The following CAMTA1 variants were observed in gnomAD, a reference collection of about 807,000 sequenced individuals.
CAMTA1 encodes the protein calmodulin binding transcription activator 1.
Under a neutral mutation model 170.9 loss-of-function variants are expected in CAMTA1, and 27 were observed. The ratio of observed to expected loss-of-function variants is 0.16; its 90% CI spans 0.12 to 0.22. The LOEUF (loss-of-function observed/expected upper bound fraction) is 0.22. Among genes scored for constraint, CAMTA1 ranks in the 10% least tolerant of loss-of-function variants. The pLI is 1.00. For synonymous variants in CAMTA1, 833 were observed against 891.5 expected (o/e 0.93, Z 1.17); for missense variants, 1,619 against 2,217.2 (o/e 0.73, Z 5.42).
rs542099822 is a variant in CAMTA1 at position 7,682,210 on chromosome 1, G to C, written c.2914+4477G>C. ...TCATCTCAGGCAGAGCGGGGAGCAT[G>C]GACTAAAAGCTCAAACTTCATTATC... On this transcript the variant is annotated intron_variant, in intron 11 of 22. Transcript: ENST00000303635. The surrounding 1 kb of genome is among the most constrained non-coding windows in gnomAD (Gnocchi z 5.0). 6.6e-6 allele frequency among the ~76,000 whole-genome samples: 1 copy of C among 152,202 alleles called. No individual in the cohort carries two copies. Among genetic ancestry groups the C allele is most frequent in the African/African-American group, 2.4e-5 (1 of 41,458 alleles).
At position 7,685,733 on chromosome 1, in the gene CAMTA1, CCT is replaced by C. The variant is rs1018642645; in HGVS notation, c.2914+8003_2914+8004del. ...CTACTAGGGTGCAGGGATGGCTGCC[CCT>C]CTGTTTGTCTTCTTGGATCCAGGCC... On this transcript the variant is annotated intron_variant, in intron 11 of 22. Transcript: ENST00000303635. This position sits in a 1 kb window ranked among gnomAD's most constrained non-coding sequence, Gnocchi z 5.7. Among the ~76,000 whole-genome samples, 5 of 152,194 alleles carry C rather than the reference CCT, an allele frequency of 3.3e-5. No individual in the cohort carries two copies. The highest frequency in any genetic ancestry group is 2.6e-4 in the Admixed American group (4 of 15,286).
At chr1:7,752,234 G>A (rs1004625015) in intron 20 of CAMTA1, among the ~76,000 whole-genome samples, 1 of 152,148 alleles carries the variant, frequency 6.6e-6, no homozygotes, top group African/African-American at 2.4e-5. Context: ...TTGAAGCTGA[G>A]AGCGCCTATA....
Position 7,729,284 on chromosome 1 carries a change from C to CT in CAMTA1, c.2915-3157dup, listed in dbSNP as rs1458043952. Among the ~76,000 whole-genome samples, 13 of 151,892 alleles carry CT rather than the reference C, an allele frequency of 8.6e-5. No individual in the cohort carries two copies. The East Asian group carries it at 2.5e-3, about 30-fold the overall frequency. ...GGCATACACCACCACACCCAGCTAG[C>CT]TTTTTTTGTGTTTTTAGTAGAGACT... On this transcript the variant is annotated intron_variant, in intron 11 of 22. Coordinates refer to ENST00000303635, the MANE Select transcript of CAMTA1 (RefSeq NM_015215.4).
chr1:7,410,413 C>T (rs1169524721), intron 5 of CAMTA1, among the ~76,000 whole-genome samples: 2 of 152,238 alleles, frequency 1.3e-5, no homozygotes, highest in Non-Finnish European at 2.9e-5. Context: ...TCCCGCCTGT[C>T]GTCAGGAGCC....
intron 3 of CAMTA1, among the ~76,000 whole-genome samples, chr1:6,883,339 A>G (rs887184751): frequency 2.6e-5 from 4 of 152,112 alleles, no homozygotes; most frequent in Admixed American, 6.5e-5. Flanking sequence ...AAATGGTGAG[A>G]ATAAAAGCCC....
chr1:6,996,690 AAAGAAAG>A (rs539341737), intron 3 of CAMTA1, among the ~76,000 whole-genome samples: 4,496 of 148,160 alleles, frequency 0.03, 110 homozygotes, highest in South Asian at 0.12. Context: ...TTTAAAAAAA[AAAGAAAG>A]AAAGAAAGAA....
At chr1:7,198,321 C>T (rs1401036184) in intron 4 of CAMTA1, among the ~76,000 whole-genome samples, 2 of 151,878 alleles carry the variant, frequency 1.3e-5, no homozygotes, top group Non-Finnish European at 2.9e-5. Flanking sequence ...CTTAGGTGTG[C>T]CCCCACTCCC....
rs546549817 is a variant in CAMTA1, at chr1:7,602,337, G to A, written c.511-38063G>A. Among the ~76,000 whole-genome samples the A allele has an allele frequency of 4.4e-3, 670 of 152,072 alleles. 6 individuals carry two copies. The highest frequency in any genetic ancestry group is 0.016 in the African/African-American group (651 of 41,456). On this transcript the variant is annotated intron_variant, in intron 6 of 22. Coordinates refer to ENST00000303635, the MANE Select transcript of CAMTA1 (RefSeq NM_015215.4). ...AATTATTGCCTCAATTTCAGAGCCT[G>A]TTATTGGTCTATTCAGAGATTCAAC... is the stretch of plus-strand genomic sequence containing the variant.
chr1:7,226,895 C>T lies in CAMTA1; in HGVS notation c.303-22596C>T, dbSNP rs927530177. 4.6e-5 allele frequency among the ~76,000 whole-genome samples: 7 copies of T among 151,982 alleles called. No individual in the cohort carries two copies. In the East Asian group the frequency reaches 9.7e-4, roughly 21 times the overall value. On this transcript the variant is annotated intron_variant, in intron 4 of 22. Transcript: ENST00000303635. The stretch of plus-strand genomic sequence containing the variant: ...TCACCCGGGCTGGAGTGCAGTGGCA[C>T]GGTCTCGGCTCACTGCAAGCTCCGC...
At chr1:7,438,098 G>A (rs1282919412) in intron 5 of CAMTA1, among the ~76,000 whole-genome samples, 3 of 152,156 alleles carry the variant, frequency 2.0e-5, no homozygotes, top group African/African-American at 7.2e-5. Context: ...GAGTAGGGGT[G>A]TAGAGGCGGA....
chr1:7,277,613 T>A (rs1670924264), intron 5 of CAMTA1, among the ~76,000 whole-genome samples: 1 of 152,100 alleles, frequency 6.6e-6, no homozygotes, highest in African/African-American at 2.4e-5. Context: ...ATCTCCCCCT[T>A]CTCAGAATAA....
chr1:6,858,475 T>G (rs1663293252), intron 3 of CAMTA1, among the ~76,000 whole-genome samples: 1 of 102,466 alleles, frequency 9.8e-6, no homozygotes, highest in Non-Finnish European at 1.9e-5. Flanking sequence ...TGGTGGTGTG[T>G]GTGTGTGTGT....
intron 11 of CAMTA1, among the ~76,000 whole-genome samples, chr1:7,721,443 G>A (rs560901100): frequency 6.6e-6 from 1 of 152,282 alleles, no homozygotes; most frequent in African/African-American, 2.4e-5. Flanking sequence ...ATGTCCAGTA[G>A]CTGCTATTAT....
At chr1:7,213,567 C>G (rs1490313481) in intron 4 of CAMTA1, among the ~76,000 whole-genome samples, 1 of 151,616 alleles carries the variant, frequency 6.6e-6, no homozygotes, top group African/African-American at 2.4e-5. Flanking sequence ...TCTTTTGCAT[C>G]CTGTCCTTCA....
At chr1:7,705,236 G>A (rs2096500967) in intron 11 of CAMTA1, among the ~76,000 whole-genome samples, 1 of 151,282 alleles carries the variant, frequency 6.6e-6, no homozygotes, top group Non-Finnish European at 1.5e-5. Context: ...AGGGTGAGGG[G>A]CTGCAGGGAG....
intron 3 of CAMTA1, among the ~76,000 whole-genome samples, chr1:6,840,654 A>AT (rs1264564982): frequency 2.6e-5 from 4 of 152,154 alleles, no homozygotes. Flanking sequence ...CTGTCTGGAG[A>AT]TAAAAATTGG....
chr1:7,757,683 C>G (rs2096940880), intron 22 of CAMTA1, among the ~76,000 whole-genome samples: 2 of 151,956 alleles, frequency 1.3e-5, no homozygotes, highest in Non-Finnish European at 2.9e-5. Flanking sequence ...TTGCAGTGAG[C>G]CAAGATTGTG....
At chr1:7,511,181 A>G (rs1036360838) in intron 6 of CAMTA1, among the ~76,000 whole-genome samples, 1 of 145,288 alleles carries the variant, frequency 6.9e-6, no homozygotes, top group East Asian at 2.2e-4. Context: ...CACCTTGCAT[A>G]GTAGGTTTAT....
At chr1:6,940,444 GC>G (rs1425220196) in intron 3 of CAMTA1, among the ~76,000 whole-genome samples, 5 of 152,140 alleles carry the variant, frequency 3.3e-5, no homozygotes, top group African/African-American at 1.2e-4. Context: ...TGGGGAGGAA[GC>G]CCTGCTTTAC....
Sources: gnomAD v4.1 joint callset for allele counts (sites outside exome capture counted in the v4.1 genomes callset) on GRCh38, gnomAD v4.1.1 for gene constraint, Gnocchi (gnomAD v3.1) non-coding constraint, MANE v1.5 for transcripts, NCBI Gene and HGNC (gene_info 2026-07-23, HGNC 2026-07-21) for gene names.